Variants in SGCD observed in about 807,000 individuals in gnomAD.
SGCD encodes the protein delta-sarcoglycan.
A neutral mutation model predicts 36.6 loss-of-function variants in SGCD; 18 were observed. The observed-to-expected ratio is 0.49, with a 90% confidence interval of 0.34 to 0.73. The LOEUF (loss-of-function observed/expected upper bound fraction) is 0.73. Ranked by LOEUF, SGCD falls within the 30% of genes least tolerant of loss-of-function variation. The pLI is 0.01. For synonymous variants in SGCD, 133 were observed against 130.6 expected, an observed-to-expected ratio of 1.02 and a Z score of -0.12; for missense variants, 387 against 346.7, an observed-to-expected ratio of 1.12 and a Z score of -0.92.
At chr5:156,038,879 A>G (rs894405338) in intron 1 of SGCD, among the ~76,000 whole-genome samples, 9 of 152,162 alleles carry the variant, frequency 5.9e-5, no homozygotes, top group African/African-American at 1.9e-4. Context: ...ACAAATATGC[A>G]AAGTGGTATA....
chr5:155,887,077 A>T (rs925923976), intron 1 of SGCD, among the ~76,000 whole-genome samples: 1 of 151,976 alleles, frequency 6.6e-6, no homozygotes, highest in Non-Finnish European at 1.5e-5. Flanking sequence ...GCACACTAGG[A>T]CTCTGACCGT....
At chr5:155,754,794 T>A in the SGCD span, among the ~76,000 whole-genome samples, 1 of 152,232 alleles carries the variant, frequency 6.6e-6, no homozygotes, top group Non-Finnish European at 1.5e-5. Flanking sequence ...TTCATAGGGC[T>A]TAATTTTATG....
intron 3 of SGCD, among the ~76,000 whole-genome samples, chr5:156,229,277 C>CATATATATATATATATATATATATAT (rs570200528): frequency 0.011 from 611 of 56,208 alleles, 44 homozygotes; most frequent in South Asian, 0.016. Flanking sequence ...TATATACATA[C>CATATATATATATATATATATATATAT]ATATATATAT....
intron 3 of SGCD, among the ~76,000 whole-genome samples, chr5:156,357,726 T>TA (rs1349093864): frequency 6.6e-6 from 1 of 152,174 alleles, no homozygotes; most frequent in Non-Finnish European, 1.5e-5. Flanking sequence ...CAGTTCTCAG[T>TA]AGTAGGGCAG....
intron 7 of SGCD, among the ~76,000 whole-genome samples, chr5:156,751,012 T>G (rs1262421707): frequency 2.0e-5 from 3 of 152,212 alleles, no homozygotes; most frequent in Admixed American, 6.5e-5. Context: ...TTATGAAACT[T>G]AAGTTCATTC....
At chr5:156,347,987 T>G (rs12652756) in intron 3 of SGCD, among the ~76,000 whole-genome samples, 1 of 152,008 alleles carries the variant, frequency 6.6e-6, no homozygotes, top group Non-Finnish European at 1.5e-5. Flanking sequence ...TAGCCAATAA[T>G]GCATTTGAGC....
At chr5:156,707,730 A>C (rs1754803442) in intron 7 of SGCD, among the ~76,000 whole-genome samples, 1 of 152,232 alleles carries the variant, frequency 6.6e-6, no homozygotes, top group Non-Finnish European at 1.5e-5. Context: ...CATTACAGGG[A>C]AACTGAAAAA....
chr5:156,750,475 C>A (rs1006675084), intron 7 of SGCD, among the ~76,000 whole-genome samples: 7 of 151,978 alleles, frequency 4.6e-5, no homozygotes, highest in Non-Finnish European at 5.9e-5. Context: ...CACTTGAGTT[C>A]AAGATCAGGC....
chr5:156,054,517 C>T lies in SGCD; in HGVS notation c.-281-63361C>T, dbSNP rs915863591. Among the ~76,000 whole-genome samples, 2 of 145,936 alleles carry T rather than the reference C, an allele frequency of 1.4e-5. 1 individual carries two copies. The highest frequency in any genetic ancestry group is 3.1e-5 in the Non-Finnish European group (2 of 64,814). On this transcript the variant is annotated intron_variant, in intron 1 of 9. Coordinates refer to the SGCD transcript ENST00000517913. The stretch of plus-strand genomic sequence containing the variant: ...AGCCAGGATGGTCTCAATCTCCTGA[C>T]CTCGTGATCCACCCGCCTCAGCCTC...
intron 3 of SGCD, among the ~76,000 whole-genome samples, chr5:156,201,430 C>T (rs1764148308): frequency 6.6e-6 from 1 of 152,146 alleles, no homozygotes; most frequent in South Asian, 2.1e-4. Context: ...TTTCTTCACT[C>T]CCACTGTAGC....
chr5:156,142,996 T>C (rs1198484847), intron 3 of SGCD, among the ~76,000 whole-genome samples: 1 of 152,208 alleles, frequency 6.6e-6, no homozygotes, highest in African/African-American at 2.4e-5. Flanking sequence ...GGAAGGCATT[T>C]AAGAAACAGT....
chr5:156,218,374 A>G (rs954006418), intron 3 of SGCD, among the ~76,000 whole-genome samples: 5 of 152,324 alleles, frequency 3.3e-5, no homozygotes, highest in African/African-American at 1.2e-4. Flanking sequence ...AATGATTCAA[A>G]TTTACTTAAA....
At chr5:155,920,146 T>G (rs1756842140) in intron 1 of SGCD, among the ~76,000 whole-genome samples, 1 of 152,202 alleles carries the variant, frequency 6.6e-6, no homozygotes. Flanking sequence ...GATCAACATC[T>G]AACCCTGGCT....
chr5:156,691,256 A>G (rs1450878416), intron 7 of SGCD, among the ~76,000 whole-genome samples: 4 of 149,192 alleles, frequency 2.7e-5, no homozygotes, highest in African/African-American at 9.9e-5. Context: ...ATTATAGACA[A>G]ACTAGAACTG....
At chr5:156,685,657 T>C (rs1334117419) in intron 7 of SGCD, among the ~76,000 whole-genome samples, 1 of 152,190 alleles carries the variant, frequency 6.6e-6, no homozygotes, top group African/African-American at 2.4e-5. Context: ...GCATGCCTTG[T>C]CAAGAAGCTT....
intron 3 of SGCD, among the ~76,000 whole-genome samples, chr5:156,394,566 C>T (rs1167786864): frequency 6.6e-6 from 1 of 152,178 alleles, no homozygotes; most frequent in East Asian, 1.9e-4. Context: ...TAGACATTTT[C>T]ACTTTTGGGG....
intron 6 of SGCD, among the ~76,000 whole-genome samples, chr5:156,621,939 A>C (rs1412058230): frequency 6.6e-6 from 1 of 152,162 alleles, no homozygotes; most frequent in Non-Finnish European, 1.5e-5. Context: ...GTATGAGAAA[A>C]CTGACAAATA....
chr5:156,114,398 C>G (rs992491960), intron 1 of SGCD, among the ~76,000 whole-genome samples: 1 of 152,100 alleles, frequency 6.6e-6, no homozygotes, highest in Admixed American at 6.6e-5. Context: ...CTTTATATAT[C>G]CACGTATTTG....
At chr5:156,634,422 TTAAAA>T (rs1272411639) in intron 6 of SGCD, among the ~76,000 whole-genome samples, 1 of 151,908 alleles carries the variant, frequency 6.6e-6, no homozygotes, top group Non-Finnish European at 1.5e-5. Context: ...ATCCTAGAAA[TTAAAA>T]TAAAACTTGA....
Sources: allele counts gnomAD v4.1 joint callset (sites outside exome capture counted in the v4.1 genomes callset), GRCh38; gene constraint gnomAD v4.1.1; transcripts MANE v1.5; gene names NCBI Gene and HGNC (gene_info 2026-07-23, HGNC 2026-07-21).